Variants in GRIN2B observed in about 807,000 individuals in gnomAD.
GRIN2B encodes glutamate ionotropic receptor NMDA type subunit 2B.
A neutral mutation model predicts 114.5 loss-of-function variants in GRIN2B; 5 were observed. The ratio of observed to expected loss-of-function variants is 0.04; its 90% CI spans 0.02 to 0.09. GRIN2B has a LOEUF of 0.09. Ranked by LOEUF, GRIN2B falls within the 10% of genes least tolerant of loss-of-function variation. GRIN2B has a pLI of 1.00. For missense variants in GRIN2B, 1,108 were observed against 1,943.5 expected, an observed-to-expected ratio of 0.57 and a Z score of 8.08; for synonymous variants, 787 against 745.1, an observed-to-expected ratio of 1.06 and a Z score of -0.92.
At chr12:13,889,463 CAGTT>C (rs1866222437) in intron 2 of GRIN2B, among the ~76,000 whole-genome samples, 1 of 152,182 alleles carries the variant, frequency 6.6e-6, no homozygotes, top group Non-Finnish European at 1.5e-5. Flanking sequence ...AGCTTAATAA[CAGTT>C]AGTGCTTCAT....
At chr12:13,880,293 A>G (rs1161268486) in intron 2 of GRIN2B, among the ~76,000 whole-genome samples, 1 of 152,218 alleles carries the variant, frequency 6.6e-6, no homozygotes, top group East Asian at 1.9e-4. Flanking sequence ...GGCACAAAAC[A>G]TATTGGGGAA....
chr12:13,968,431 T>C (rs1867824836), intron 2 of GRIN2B, among the ~76,000 whole-genome samples: 1 of 152,110 alleles, frequency 6.6e-6, no homozygotes, highest in African/African-American at 2.4e-5. Flanking sequence ...ATTTTACAGA[T>C]GAGGAAGTGA....
chr12:13,662,610 G>A, intron 5 of GRIN2B, among the ~76,000 whole-genome samples: 1 of 152,108 alleles, frequency 6.6e-6, no homozygotes, highest in East Asian at 1.9e-4. Context: ...TTGAGGAAGG[G>A]AACTTGTTGG....
chr12:13,923,268 A>G (rs763146455), intron 2 of GRIN2B, among the ~76,000 whole-genome samples: 31 of 152,230 alleles, frequency 2.0e-4, no homozygotes, highest in Non-Finnish European at 3.7e-4. Context: ...AAAGCAGTCT[A>G]TTTTAAAATC....
intron 2 of GRIN2B, among the ~76,000 whole-genome samples, chr12:13,923,197 G>C (rs1413050382): frequency 1.3e-5 from 2 of 151,946 alleles, no homozygotes; most frequent in Non-Finnish European, 2.9e-5. Flanking sequence ...CTGTTTATCT[G>C]ATCGTTCAGC....
chr12:13,708,786 T>C (rs1346918012), intron 4 of GRIN2B, among the ~76,000 whole-genome samples: 1 of 152,122 alleles, frequency 6.6e-6, no homozygotes, highest in Non-Finnish European at 1.5e-5. Flanking sequence ...TACTGTTCAG[T>C]GTACACTAGT....
At chr12:13,910,789 G>A (rs1306191867) in intron 2 of GRIN2B, among the ~76,000 whole-genome samples, 1 of 152,096 alleles carries the variant, frequency 6.6e-6, no homozygotes, top group Non-Finnish European at 1.5e-5. Context: ...TGATCATTGT[G>A]GTTTGCATCT....
intron 12 of GRIN2B, among the ~76,000 whole-genome samples, chr12:13,568,188 C>T (rs1948665523): frequency 6.6e-6 from 1 of 152,090 alleles, no homozygotes; most frequent in Admixed American, 6.6e-5. Context: ...GACCTTTTTC[C>T]ACTTCACCAG....
chr12:13,852,158 T>C (rs1865576975), intron 3 of GRIN2B, among the ~76,000 whole-genome samples: 1 of 152,218 alleles, frequency 6.6e-6, no homozygotes. Flanking sequence ...CAAGACAGGC[T>C]ACCCTGGCTG....
chr12:13,586,049 A>G (rs1948918770), intron 10 of GRIN2B, among the ~76,000 whole-genome samples: 1 of 152,230 alleles, frequency 6.6e-6, no homozygotes. Flanking sequence ...AAATATCAAT[A>G]ACCATGTTGG....
chr12:13,598,593 A>G (rs1306519153), intron 10 of GRIN2B, among the ~76,000 whole-genome samples: 2 of 152,152 alleles, frequency 1.3e-5, no homozygotes, highest in Admixed American at 1.3e-4. Flanking sequence ...TACAGAAAAA[A>G]GAATTCCACA....
At chr12:13,827,517 A>G (rs1419891089) in intron 3 of GRIN2B, among the ~76,000 whole-genome samples, 1 of 151,782 alleles carries the variant, frequency 6.6e-6, no homozygotes, top group East Asian at 1.9e-4. Flanking sequence ...GATCCTTCAT[A>G]TTTTATTACA....
Position 13,753,963 on chromosome 12 carries a change from C to T in GRIN2B, c.412-48G>A, listed in dbSNP as rs112187629. 4 of 1,257,896 alleles carry T rather than the reference C, an allele frequency of 3.2e-6. No individual in the cohort carries two copies. The highest frequency in any genetic ancestry group is 1.5e-5 in the African/African-American group (1 of 67,772). 77.9% of individuals were successfully genotyped at this position (1,257,896 alleles called of 1,614,324 possible). A position where few individuals can be genotyped will look rare whatever the true frequency, so the allele number is the denominator to read the frequency against. On this transcript the variant is annotated intron_variant, in intron 3 of 13. Transcript: ENST00000609686. This position sits in a 1 kb window ranked among gnomAD's most constrained non-coding sequence, Gnocchi z 6.2. The stretch of plus-strand genomic sequence containing the variant: ...AAAGGAAGAGAGAAAAAAATCAAAC[C>T]AAAGATGGTAATGGAGATTTTGAAC...
chr12:13,756,213 AC>A (rs1863573749), intron 3 of GRIN2B, among the ~76,000 whole-genome samples: 1 of 151,852 alleles, frequency 6.6e-6, no homozygotes, highest in South Asian at 2.1e-4. Flanking sequence ...AAGGGGTTTC[AC>A]CATCTTGGCC....
At chr12:13,827,219 T>C (rs1163865903) in intron 3 of GRIN2B, among the ~76,000 whole-genome samples, 2 of 126,890 alleles carry the variant, frequency 1.6e-5, no homozygotes, top group Non-Finnish European at 3.3e-5. Flanking sequence ...ATGTGCCTTA[T>C]TGTTGTTTTC....
At chr12:13,667,294 C>A (rs1280389246) in intron 5 of GRIN2B, among the ~76,000 whole-genome samples, 1 of 152,142 alleles carries the variant, frequency 6.6e-6, no homozygotes, top group Non-Finnish European at 1.5e-5. Flanking sequence ...AAAGAGAAAA[C>A]CCTCTGGGAC....
At chr12:13,839,275 G>A (rs1222334548) in intron 3 of GRIN2B, among the ~76,000 whole-genome samples, 1 of 152,218 alleles carries the variant, frequency 6.6e-6, no homozygotes, top group Admixed American at 6.5e-5. Context: ...GAACAAGGGA[G>A]ACAGGTTGGA....
At chr12:13,691,783 A>G (rs1018092822) in intron 4 of GRIN2B, among the ~76,000 whole-genome samples, 6 of 152,174 alleles carry the variant, frequency 3.9e-5, no homozygotes, top group Non-Finnish European at 7.3e-5. Context: ...GCTGGATAAC[A>G]TCTCCATGGC....
intron 3 of GRIN2B, among the ~76,000 whole-genome samples, chr12:13,825,496 T>TTTTTTTGTGTGTGTGTGTG (rs375940899): frequency 2.4e-5 from 3 of 122,970 alleles, no homozygotes; most frequent in East Asian, 2.2e-4. Flanking sequence ...TATATATATT[T>TTTTTTTGTGTGTGTGTGTG]TGTGTGTGTG....
Sources: allele counts gnomAD v4.1 joint callset (sites outside exome capture counted in the v4.1 genomes callset), GRCh38; gene constraint gnomAD v4.1.1; non-coding constraint Gnocchi (gnomAD v3.1); transcripts MANE v1.5; gene names NCBI Gene and HGNC (gene_info 2026-07-23, HGNC 2026-07-21).